LRRC4C: variants seen among roughly 807,000 people sequenced by gnomAD.
LRRC4C encodes the protein leucine rich repeat containing 4C, also known as leucine-rich repeat-containing protein 4C.
LRRC4C carries 5 observed loss-of-function variants against 33.6 expected under a neutral mutation model. The ratio of observed to expected loss-of-function variants is 0.15; its 90% CI spans 0.08 to 0.31. The LOEUF is 0.31. Among genes scored for constraint, LRRC4C ranks in the 10% least tolerant of loss-of-function variants. LRRC4C has a pLI of 1.00. For synonymous variants in LRRC4C, 329 were observed against 302.0 expected, an observed-to-expected ratio of 1.09 and a Z score of -0.93; for missense variants, 560 against 796.7, an observed-to-expected ratio of 0.70 and a Z score of 3.58.
intron 1 of LRRC4C, among the ~76,000 whole-genome samples, chr11:41,085,603 C>T (rs572861504): frequency 1.4e-4 from 21 of 152,098 alleles, no homozygotes; most frequent in Non-Finnish European, 2.9e-4. Context: ...ACAGAGTACC[C>T]ATCACTGTCC....
chr11:40,206,553 T>C lies in LRRC4C; in HGVS notation c.-96+34966A>G, dbSNP rs374648045. ...CACCGCACCTGGCCTATTGCCATTTTTCAGGCAGGTTAAGTAATTGTTCAA... is the reference window on the plus strand; with the variant it reads ...CACCGCACCTGGCCTATTGCCATTTCTCAGGCAGGTTAAGTAATTGTTCAA... On this transcript the variant is annotated intron_variant, in intron 5 of 6. Coordinates refer to ENST00000528697, the MANE Select transcript of LRRC4C (RefSeq NM_001258419.2). 4.9e-4 allele frequency among the ~76,000 whole-genome samples: 75 copies of C among 152,322 alleles called. 1 individual carries two copies. The South Asian group carries it at 0.011, about 22-fold the overall frequency.
At chr11:40,235,912 C>T (rs968231330) in intron 5 of LRRC4C, among the ~76,000 whole-genome samples, 14 of 152,110 alleles carry the variant, frequency 9.2e-5, no homozygotes, top group Middle Eastern at 6.8e-3. Flanking sequence ...TACTCAATTG[C>T]CTATGCTTTG....
At chr11:40,808,289 A>C (rs993205975) in intron 2 of LRRC4C, among the ~76,000 whole-genome samples, 1 of 152,076 alleles carries the variant, frequency 6.6e-6, no homozygotes, top group Admixed American at 6.6e-5. Context: ...ATTGATAATA[A>C]AATTATATGA....
At chr11:40,984,892 A>ATTTTTTTT (rs1352712808) in intron 1 of LRRC4C, among the ~76,000 whole-genome samples, 1 of 24,652 alleles carries the variant, frequency 4.1e-5, no homozygotes, top group East Asian at 9.4e-4. Context: ...TCTCACTGAC[A>ATTTTTTTT]CTTTTTTTTT....
At chr11:40,871,620 C>G (rs1435873098) in intron 2 of LRRC4C, among the ~76,000 whole-genome samples, 1 of 152,072 alleles carries the variant, frequency 6.6e-6, no homozygotes, top group Admixed American at 6.6e-5. Context: ...CAAAGCGTCA[C>G]TTCCACACTA....
chr11:41,367,056 T>C (rs1952570311), intron 1 of LRRC4C, among the ~76,000 whole-genome samples: 1 of 152,188 alleles, frequency 6.6e-6, no homozygotes, highest in Non-Finnish European at 1.5e-5. Context: ...ATAGCCTATG[T>C]TCTTTCTATC....
chr11:40,778,638 G>T (rs964594837), intron 2 of LRRC4C, among the ~76,000 whole-genome samples: 3 of 152,130 alleles, frequency 2.0e-5, no homozygotes, highest in African/African-American at 7.2e-5. Flanking sequence ...AGAGGAGGAA[G>T]GAAAAAGGGG....
chr11:40,144,339 C>T (rs1857573307), intron 5 of LRRC4C, among the ~76,000 whole-genome samples: 1 of 152,122 alleles, frequency 6.6e-6, no homozygotes, highest in African/African-American at 2.4e-5. Flanking sequence ...CCAGCAGACC[C>T]TTCATTCATT....
intron 3 of LRRC4C, among the ~76,000 whole-genome samples, chr11:40,646,285 G>T (rs892456169): frequency 1.3e-5 from 2 of 152,174 alleles, no homozygotes; most frequent in African/African-American, 4.8e-5. Flanking sequence ...AAAAAGAACA[G>T]AAATGAATAG....
At chr11:40,481,282 T>C (rs1953548864) in intron 3 of LRRC4C, among the ~76,000 whole-genome samples, 1 of 152,056 alleles carries the variant, frequency 6.6e-6, no homozygotes, top group African/African-American at 2.4e-5. Context: ...TGCCTCTCAG[T>C]GTGGCATTCA....
chr11:41,449,702 G>A (rs1449941578), intron 1 of LRRC4C, among the ~76,000 whole-genome samples: 2 of 147,560 alleles, frequency 1.4e-5, no homozygotes, highest in East Asian at 2.0e-4. Flanking sequence ...GGCCTCCCCC[G>A]ACCCCTACCC....
intron 2 of LRRC4C, among the ~76,000 whole-genome samples, chr11:40,770,560 T>G (rs1459480727): frequency 6.6e-6 from 1 of 152,196 alleles, no homozygotes; most frequent in Non-Finnish European, 1.5e-5. Flanking sequence ...CCTCAACTTC[T>G]TAACTCACTT....
chr11:40,350,638 G>A (rs1268955625), intron 3 of LRRC4C, among the ~76,000 whole-genome samples: 1 of 151,892 alleles, frequency 6.6e-6, no homozygotes, highest in Non-Finnish European at 1.5e-5. Context: ...GAGTGCCATT[G>A]GTATTTTGAT....
intron 3 of LRRC4C, among the ~76,000 whole-genome samples, chr11:40,614,733 G>C (rs1319172766): frequency 1.3e-5 from 2 of 151,598 alleles, no homozygotes; most frequent in Non-Finnish European, 3.0e-5. Flanking sequence ...AGAGGTCACT[G>C]TAGGGTTATT....
At chr11:40,969,097 G>A (rs750877120) in intron 1 of LRRC4C, among the ~76,000 whole-genome samples, 14 of 152,102 alleles carry the variant, frequency 9.2e-5, no homozygotes, top group Admixed American at 2.0e-4. Context: ...ACATTAACAG[G>A]AGTTTGGAAG....
At chr11:41,423,346 T>G (rs1393727849) in intron 1 of LRRC4C, among the ~76,000 whole-genome samples, 1 of 152,032 alleles carries the variant, frequency 6.6e-6, no homozygotes, top group African/African-American at 2.4e-5. Context: ...CTAGAAAACT[T>G]GAACTTTATT....
chr11:41,354,316 G>A (rs1311057477), intron 1 of LRRC4C, among the ~76,000 whole-genome samples: 1 of 151,986 alleles, frequency 6.6e-6, no homozygotes, highest in Non-Finnish European at 1.5e-5. Context: ...TAGGTAACTA[G>A]GGAAGTGAAA....
intron 3 of LRRC4C, among the ~76,000 whole-genome samples, chr11:40,470,894 C>G (rs927253766): frequency 2.0e-5 from 3 of 151,912 alleles, no homozygotes; most frequent in African/African-American, 7.3e-5. Context: ...GTGAAAAGAC[C>G]AAAGCTACAT....
chr11:40,909,317 G>T (rs1168016780), intron 2 of LRRC4C, among the ~76,000 whole-genome samples: 1 of 151,946 alleles, frequency 6.6e-6, no homozygotes, highest in Non-Finnish European at 1.5e-5. Flanking sequence ...GACTAAATTT[G>T]CCCTAGTATA....
Sources: gnomAD v4.1 joint callset for allele counts (sites outside exome capture counted in the v4.1 genomes callset) on GRCh38, gnomAD v4.1.1 for gene constraint, MANE v1.5 for transcripts, NCBI Gene and HGNC (gene_info 2026-07-23, HGNC 2026-07-21) for gene names.